The following CHRM5 variants were observed in gnomAD, a reference collection of about 807,000 sequenced individuals.
CHRM5 encodes muscarinic acetylcholine receptor M5.
A neutral mutation model predicts 39.0 loss-of-function variants in CHRM5; 18 were observed. That is an observed-to-expected ratio of 0.46 (90% CI 0.32 to 0.68). CHRM5 has a LOEUF of 0.68. Among genes scored for constraint, CHRM5 ranks in the 30% least tolerant of loss-of-function variants. The probability of loss-of-function intolerance (pLI) is 0.04; values close to 1 mark genes in which losing one functional copy is unlikely to be tolerated. For missense variants in CHRM5, 515 were observed against 651.1 expected, an observed-to-expected ratio of 0.79 and a Z score of 2.28; for synonymous variants, 241 against 246.3, an observed-to-expected ratio of 0.98 and a Z score of 0.20.
intron 1 of CHRM5, among the ~76,000 whole-genome samples, chr15:34,031,340 A>G (rs994595003): frequency 6.6e-6 from 1 of 151,840 alleles, no homozygotes; most frequent in African/African-American, 2.4e-5. Context: ...ATGCCTGGCT[A>G]ATTTTTATAT....
intron 1 of CHRM5, among the ~76,000 whole-genome samples, chr15:33,999,044 T>C (rs1457420084): frequency 6.6e-6 from 1 of 152,238 alleles, no homozygotes; most frequent in Non-Finnish European, 1.5e-5. Flanking sequence ...GTCTCTTCCA[T>C]GTGCCAATGC....
intron 2 of CHRM5, among the ~76,000 whole-genome samples, chr15:34,061,935 T>C (rs1344383641): frequency 6.6e-6 from 1 of 152,212 alleles, no homozygotes; most frequent in African/African-American, 2.4e-5. Flanking sequence ...TGCATGACGA[T>C]TTAGGTATTT....
chr15:34,062,291 C>T (rs1251101458), intron 2 of CHRM5, among the ~76,000 whole-genome samples: 2 of 152,156 alleles, frequency 1.3e-5, no homozygotes, highest in East Asian at 3.9e-4. Flanking sequence ...CGCGGTGGCT[C>T]ACGCCTGTAA....
chr15:34,039,161 G>T, intron 1 of CHRM5: 1 of 904,030 alleles, frequency 1.1e-6, no homozygotes, highest in Non-Finnish European at 1.3e-6. Context: ...CCCGGTAGCA[G>T]CGAGGCGCGG....
intron 2 of CHRM5, among the ~76,000 whole-genome samples, chr15:34,059,750 A>C (rs980079460): frequency 2.7e-5 from 4 of 148,508 alleles, no homozygotes; most frequent in African/African-American, 1.0e-4. Context: ...TCATTCTTCA[A>C]GTCTCGACTC....
intron 1 of CHRM5, among the ~76,000 whole-genome samples, chr15:33,971,499 A>G (rs1402493154): frequency 6.6e-6 from 1 of 152,080 alleles, no homozygotes; most frequent in Non-Finnish European, 1.5e-5. Flanking sequence ...AAATGAACAC[A>G]TCCATTTCGT....
chr15:34,052,257 A>G (rs1357221869), intron 2 of CHRM5, among the ~76,000 whole-genome samples: 2 of 152,244 alleles, frequency 1.3e-5, no homozygotes, highest in Non-Finnish European at 2.9e-5. Flanking sequence ...CCACATGATT[A>G]TCTCCATAGA....
intron 2 of CHRM5, among the ~76,000 whole-genome samples, chr15:34,058,348 G>T (rs1211645927): frequency 6.6e-6 from 1 of 152,058 alleles, no homozygotes; most frequent in Non-Finnish European, 1.5e-5. Flanking sequence ...GGAGGTCATT[G>T]TTTTGGACTA....
At chr15:34,018,783 A>G (rs1182104946) in intron 1 of CHRM5, among the ~76,000 whole-genome samples, 1 of 152,200 alleles carries the variant, frequency 6.6e-6, no homozygotes, top group Non-Finnish European at 1.5e-5. Context: ...TGGTCCATTT[A>G]CAGAGTGCTG....
At position 33,973,139 on chromosome 15, in the gene CHRM5, A is replaced by C. The variant is rs79409428; in HGVS notation, c.-408+3989A>C. On this transcript the variant is annotated intron_variant, in intron 1 of 2. Transcript: ENST00000383263. ...CCAATCAGAAAACATTACCACTTTT[A>C]TAGACATTGTTTGACGTCACACTGT... Among the ~76,000 whole-genome samples the C allele has an allele frequency of 6.0e-4, 91 of 152,360 alleles. 3 individuals are homozygous for C. The East Asian group carries it at 0.017, about 28-fold the overall frequency.
At chr15:33,989,259 T>C (rs1423733912) in intron 1 of CHRM5, among the ~76,000 whole-genome samples, 3 of 152,200 alleles carry the variant, frequency 2.0e-5, no homozygotes, top group Admixed American at 2.0e-4. Flanking sequence ...AGCCCCGTGT[T>C]AATGACCTAA....
intron 1 of CHRM5, among the ~76,000 whole-genome samples, chr15:33,985,674 A>T (rs1417308653): frequency 6.6e-6 from 1 of 152,052 alleles, no homozygotes; most frequent in Non-Finnish European, 1.5e-5. Context: ...TCAGCACCTG[A>T]CATGATGCAT....
At chr15:34,049,111 A>G (rs1238476442) in intron 2 of CHRM5, among the ~76,000 whole-genome samples, 1 of 152,214 alleles carries the variant, frequency 6.6e-6, no homozygotes, top group African/African-American at 2.4e-5. Flanking sequence ...ATTCAACACA[A>G]AAATGCTGAA....
intron 1 of CHRM5, among the ~76,000 whole-genome samples, chr15:34,029,189 C>T (rs59828550): frequency 0.022 from 3,316 of 152,182 alleles, 117 homozygotes; most frequent in African/African-American, 0.074. Flanking sequence ...CCCTCCATCA[C>T]CCCCACCACC....
intron 1 of CHRM5, among the ~76,000 whole-genome samples, chr15:33,969,379 T>A (rs907075838): frequency 6.6e-6 from 1 of 152,052 alleles, no homozygotes; most frequent in Non-Finnish European, 1.5e-5. Context: ...ATTTGTCTCA[T>A]CTTTGTCTTT....
At chr15:34,016,912 A>G (rs1024324289) in intron 1 of CHRM5, among the ~76,000 whole-genome samples, 2 of 152,106 alleles carry the variant, frequency 1.3e-5, no homozygotes, top group African/African-American at 4.8e-5. Context: ...GTGGATTACT[A>G]GAGCCCAGGA....
intron 1 of CHRM5, among the ~76,000 whole-genome samples, chr15:33,977,564 C>T (rs1895940860): frequency 6.6e-6 from 1 of 152,194 alleles, no homozygotes; most frequent in Non-Finnish European, 1.5e-5. Flanking sequence ...TATGCTTGCT[C>T]TCCTCCAAGG....
At chr15:34,009,079 A>G (rs1262252389) in intron 1 of CHRM5, among the ~76,000 whole-genome samples, 1 of 152,220 alleles carries the variant, frequency 6.6e-6, no homozygotes, top group Non-Finnish European at 1.5e-5. Context: ...AATCAACGGA[A>G]GCCAGAAGGC....
chr15:34,055,764 G>C (rs532703774), intron 2 of CHRM5, among the ~76,000 whole-genome samples: 1 of 152,198 alleles, frequency 6.6e-6, no homozygotes, highest in East Asian at 1.9e-4. Flanking sequence ...TCACACCACT[G>C]CACTCCAGCC....
Sources: gnomAD v4.1 joint callset for allele counts (sites outside exome capture counted in the v4.1 genomes callset) on GRCh38, gnomAD v4.1.1 for gene constraint, MANE v1.5 for transcripts, NCBI Gene and HGNC (gene_info 2026-07-23, HGNC 2026-07-21) for gene names.